GALNT18: variants seen among roughly 807,000 people sequenced by gnomAD.
GALNT18 encodes GalNAc-transferase 18.
Under a neutral mutation model 69.5 loss-of-function variants are expected in GALNT18, and 44 were observed. The observed-to-expected ratio is 0.63, with a 90% CI of 0.50 to 0.81. The LOEUF (loss-of-function observed/expected upper bound fraction) is 0.81, where lower values mean the gene tolerates loss of function less well. Among genes scored for constraint, GALNT18 ranks in the 40% least tolerant of loss-of-function variants. The probability of loss-of-function intolerance (pLI) is 0.00; values close to 1 mark genes in which losing one functional copy is unlikely to be tolerated. For missense variants in GALNT18, 715 were observed against 810.0 expected (o/e 0.88, Z 1.42); for synonymous variants, 364 against 318.2 (o/e 1.14, Z -1.53).
intron 10 of GALNT18, among the ~76,000 whole-genome samples, chr11:11,277,962 A>C (rs966590646): frequency 3.3e-5 from 5 of 152,176 alleles, no homozygotes; most frequent in Admixed American, 2.0e-4. Flanking sequence ...AGGTGCTGAG[A>C]AGAATGTATA....
At chr11:11,409,332 T>C (rs1854673350) in intron 3 of GALNT18, among the ~76,000 whole-genome samples, 1 of 152,130 alleles carries the variant, frequency 6.6e-6, no homozygotes, top group South Asian at 2.1e-4. Flanking sequence ...GCAGTCTGTA[T>C]CCCTGTCCTC....
intron 3 of GALNT18, among the ~76,000 whole-genome samples, chr11:11,405,605 A>G (rs1478293944): frequency 6.6e-6 from 1 of 152,224 alleles, no homozygotes; most frequent in Non-Finnish European, 1.5e-5. Context: ...CTCAGAACAC[A>G]GGAAAGGATC....
At chr11:11,287,127 C>A (rs753210611) in intron 10 of GALNT18, among the ~76,000 whole-genome samples, 1 of 152,204 alleles carries the variant, frequency 6.6e-6, no homozygotes, top group African/African-American at 2.4e-5. Flanking sequence ...CTACATAGGA[C>A]AACCCTGCTG....
intron 8 of GALNT18, among the ~76,000 whole-genome samples, chr11:11,330,519 G>T (rs1849999624): frequency 6.6e-6 from 1 of 152,192 alleles, no homozygotes; most frequent in East Asian, 1.9e-4. Flanking sequence ...GGCTGGCTGG[G>T]CCCTGAGCAG....
chr11:11,598,993 G>C lies in GALNT18; in HGVS notation c.235+22366C>G, dbSNP rs2133942270. ...GTTCAATCCTTTGAAATTTATTCAG[G>C]CTTGTTTTATGGCCTAGTGTATGGT... On this transcript the variant is annotated intron_variant, in intron 1 of 10. Coordinates refer to ENST00000227756, the MANE Select transcript of GALNT18 (RefSeq NM_198516.3). This position sits in a 1 kb window ranked among gnomAD's most constrained non-coding sequence, Gnocchi z 4.8. Among the ~76,000 whole-genome samples, 1 of 151,332 alleles carries C rather than the reference G, an allele frequency of 6.6e-6. No homozygotes were observed. Among genetic ancestry groups the C allele is most frequent in the Middle Eastern group, 3.4e-3 (1 of 292 alleles).
chr11:11,521,976 C>G (rs1488386330), intron 1 of GALNT18, among the ~76,000 whole-genome samples: 1 of 152,176 alleles, frequency 6.6e-6, no homozygotes, highest in Non-Finnish European at 1.5e-5. Context: ...GTCAAGAACA[C>G]TTTCCTGAGG....
chr11:11,423,273 G>A (rs114839920), intron 3 of GALNT18, among the ~76,000 whole-genome samples: 18 of 150,998 alleles, frequency 1.2e-4, no homozygotes, highest in African/African-American at 2.7e-4. Flanking sequence ...TATGTAACAC[G>A]ATACACATGT....
At chr11:11,343,810 G>T (rs1850252605) in intron 6 of GALNT18, among the ~76,000 whole-genome samples, 1 of 152,176 alleles carries the variant, frequency 6.6e-6, no homozygotes, top group African/African-American at 2.4e-5. Flanking sequence ...TTAAAGAGTA[G>T]GTTCACCATT....
At chr11:11,531,854 G>A (rs905349338) in intron 1 of GALNT18, among the ~76,000 whole-genome samples, 3 of 152,150 alleles carry the variant, frequency 2.0e-5, no homozygotes, top group Non-Finnish European at 4.4e-5. Flanking sequence ...AACAATTTGG[G>A]TATATTCTGC....
rs769411363 is a variant in GALNT18 at position 11,391,293 on chromosome 11, T to C, written c.596-12029A>G. 1.6e-4 allele frequency among the ~76,000 whole-genome samples: 25 copies of C among 152,220 alleles called. 1 individual carries two copies. The highest frequency in any genetic ancestry group is 2.9e-5 in the Non-Finnish European group (2 of 68,036). On this transcript the variant is annotated intron_variant, in intron 3 of 10. Transcript: ENST00000227756. ...TGCAAGGTACTCCTAAGATCTTTAT[T>C]TGTATTGCCACTTAGCCCTTATGAT...
In GALNT18 at chr11:11,517,856, A is replaced by G. The variant is rs145707313; in HGVS notation, c.236-68920T>C. On this transcript the variant is annotated intron_variant, in intron 1 of 10. Transcript: ENST00000227756. The stretch of plus-strand genomic sequence containing the variant: ...TATTCTAACCAAAGTAAGAACACTG[A>G]TAACCCTCCAAAATCATGTCCCTGA... 1.1e-4 allele frequency among the ~76,000 whole-genome samples: 17 copies of G among 152,328 alleles called. No individual in the cohort carries two copies. In the East Asian group the frequency reaches 3.1e-3, roughly 28 times the overall value.
Position 11,621,399 on chromosome 11 carries a change from C to A in GALNT18, c.195G>T (p.Arg65=). The A allele has an allele frequency of 6.2e-7, 1 of 1,614,124 alleles. No homozygotes were observed. Among genetic ancestry groups the A allele is most frequent in the South Asian group, 1.1e-5 (1 of 91,074 alleles). Residue 65 remains arginine, a synonymous_variant, in exon 1 of 11, where the codon CGG becomes CGT. Coordinates refer to ENST00000227756, the MANE Select transcript of GALNT18 (RefSeq NM_198516.3). The surrounding 1 kb of genome is among the most constrained non-coding windows in gnomAD (Gnocchi z 9.3). ...TGATGACATTCTCCAGGTGGTCCAGCCGCTCAATAATCTTCAGAGTGTCCC... is the reference window on the plus strand; with the variant it reads ...TGATGACATTCTCCAGGTGGTCCAGACGCTCAATAATCTTCAGAGTGTCCC... The part of the protein sequence containing the change: ...DKGDTLKIIE[R]LDHLENVIKQ...
chr11:11,501,990 G>T (rs558902658), intron 1 of GALNT18, among the ~76,000 whole-genome samples: 8 of 152,318 alleles, frequency 5.3e-5, no homozygotes, highest in Non-Finnish European at 7.3e-5. Context: ...ATCTGTGGAG[G>T]CCTCTGAGGA....
chr11:11,571,981 T>A (rs567851370), intron 1 of GALNT18, among the ~76,000 whole-genome samples: 6 of 152,140 alleles, frequency 3.9e-5, no homozygotes, highest in Non-Finnish European at 5.9e-5. Flanking sequence ...TAACTGGGCA[T>A]AGGAATTCCC....
Position 11,396,379 on chromosome 11 carries a change from G to T in GALNT18, c.596-17115C>A, listed in dbSNP as rs1289754350. On this transcript the variant is annotated intron_variant, in intron 3 of 10. Transcript: ENST00000227756. This position sits in a 1 kb window ranked among gnomAD's most constrained non-coding sequence, Gnocchi z 5.2. ...GAGATTAAATGATGTCATCAGCAGT[G>T]GGGGGAGGAGAAACGCATGAAATGG... Among the ~76,000 whole-genome samples, 1 of 152,140 alleles carries T rather than the reference G, an allele frequency of 6.6e-6. No individual in the cohort carries two copies. The highest frequency in any genetic ancestry group is 2.1e-4 in the South Asian group (1 of 4,822).
In GALNT18 at chr11:11,280,580, G is replaced by A. The variant is rs575742659; in HGVS notation, c.1678-9290C>T. ...TTCCGGCAGGAGAGGTGAGGCCTGCGTCTCCCAGTTTTTCCCAGCATTTCC... is the reference window on the plus strand; with the variant it reads ...TTCCGGCAGGAGAGGTGAGGCCTGCATCTCCCAGTTTTTCCCAGCATTTCC... On this transcript the variant is annotated intron_variant, in intron 10 of 10. Transcript: ENST00000227756. 7.9e-5 allele frequency among the ~76,000 whole-genome samples: 12 copies of A among 152,246 alleles called. No homozygotes were observed. The East Asian group carries it at 9.7e-4, about 12-fold the overall frequency.
At chr11:11,409,616 G>A (rs1348830730) in intron 3 of GALNT18, among the ~76,000 whole-genome samples, 1 of 131,182 alleles carries the variant, frequency 7.6e-6, no homozygotes, top group African/African-American at 3.0e-5. Context: ...CCAGCTCCAT[G>A]CTCTCCCCAG....
chr11:11,499,738 T>C (rs6484954), intron 1 of GALNT18, among the ~76,000 whole-genome samples: 107,508 of 152,146 alleles, frequency 0.71, 38,171 homozygotes, highest in East Asian at 0.82. Flanking sequence ...GCCCTAGCTA[T>C]ACCTCTTCCT....
intron 3 of GALNT18, among the ~76,000 whole-genome samples, chr11:11,386,023 C>G (rs917743288): frequency 6.6e-6 from 1 of 152,088 alleles, no homozygotes; most frequent in Non-Finnish European, 1.5e-5. Context: ...CAGCAAAGCA[C>G]CAGAAGCTAG....
Sources: gnomAD v4.1 joint callset for allele counts (sites outside exome capture counted in the v4.1 genomes callset) on GRCh38, gnomAD v4.1.1 for gene constraint, Gnocchi (gnomAD v3.1) non-coding constraint, MANE v1.5 for transcripts, NCBI Gene and HGNC (gene_info 2026-07-23, HGNC 2026-07-21) for gene names.